Variants in ANKIB1 observed in about 807,000 individuals in gnomAD.
ANKIB1 encodes the protein ankyrin repeat and IBR domain-containing protein 1.
A neutral mutation model predicts 122.1 loss-of-function variants in ANKIB1; 43 were observed. The observed-to-expected ratio is 0.35, with a 90% CI of 0.28 to 0.45. The LOEUF is 0.45. Among genes scored for constraint, ANKIB1 ranks in the 20% least tolerant of loss-of-function variants. ANKIB1 has a pLI of 1.00. For missense variants in ANKIB1, 992 were observed against 1,329.5 expected, an observed-to-expected ratio of 0.75 and a Z score of 3.95; for synonymous variants, 390 against 442.0, an observed-to-expected ratio of 0.88 and a Z score of 1.48.
At chr7:92,252,260 A>G (rs983475645) in intron 1 of ANKIB1, among the ~76,000 whole-genome samples, 5 of 152,054 alleles carry the variant, frequency 3.3e-5, no homozygotes, top group African/African-American at 1.2e-4. Flanking sequence ...CCCTCCACTC[A>G]TTAGCTTTGG....
intron 5 of ANKIB1, among the ~76,000 whole-genome samples, chr7:92,335,925 ATTC>A (rs1803278633): frequency 6.6e-6 from 1 of 151,828 alleles, no homozygotes; most frequent in South Asian, 2.1e-4. Context: ...TTTTTAGCTA[ATTC>A]TTCTTTGCAT....
intron 5 of ANKIB1, among the ~76,000 whole-genome samples, chr7:92,342,068 C>T (rs1050342871): frequency 6.6e-6 from 1 of 151,556 alleles, no homozygotes; most frequent in Non-Finnish European, 1.5e-5. Flanking sequence ...AAAAAAACCT[C>T]GTGTAGAAAA....
chr7:92,360,788 C>T (rs1239942293), intron 9 of ANKIB1, among the ~76,000 whole-genome samples: 9 of 152,138 alleles, frequency 5.9e-5, no homozygotes, highest in African/African-American at 1.4e-4. Context: ...GAAGTATAAT[C>T]GATGCATTCT....
chr7:92,331,516 C>T (rs768308889), intron 5 of ANKIB1, among the ~76,000 whole-genome samples: 3 of 152,044 alleles, frequency 2.0e-5, no homozygotes, highest in Non-Finnish European at 2.9e-5. Flanking sequence ...TCAAGTGATC[C>T]GCCTGCCTCG....
intron 1 of ANKIB1, among the ~76,000 whole-genome samples, chr7:92,287,274 A>G (rs1340611718): frequency 6.6e-6 from 1 of 152,200 alleles, no homozygotes; most frequent in Non-Finnish European, 1.5e-5. Flanking sequence ...AATCCAGTCT[A>G]GGGCCCTATA....
chr7:92,335,913 G>A lies in ANKIB1; in HGVS notation c.788-7111G>A, dbSNP rs80133818. 3.1e-3 allele frequency among the ~76,000 whole-genome samples: 478 copies of A among 151,842 alleles called. 27 individuals carry two copies. The East Asian group carries it at 0.086, about 27-fold the overall frequency. ...GGCATTTGGTTTTAATTATCTGTTG[G>A]GTTTTTAGCTAATTCTTCTTTGCAT... is the stretch of plus-strand genomic sequence containing the variant. On this transcript the variant is annotated intron_variant, in intron 5 of 19. Coordinates refer to ENST00000265742, the MANE Select transcript of ANKIB1 (RefSeq NM_019004.2).
At chr7:92,392,923 T>C (rs941639283) in intron 17 of ANKIB1, among the ~76,000 whole-genome samples, 5 of 152,060 alleles carry the variant, frequency 3.3e-5, no homozygotes, top group African/African-American at 1.2e-4. Flanking sequence ...CTTAATCACA[T>C]AGCTGTTTTC....
At chr7:92,356,054 C>A (rs1014227767) in intron 9 of ANKIB1, among the ~76,000 whole-genome samples, 2 of 152,178 alleles carry the variant, frequency 1.3e-5, no homozygotes, top group Admixed American at 6.5e-5. Flanking sequence ...TCCAGTGGAT[C>A]AGAGTACAAT....
At chr7:92,296,564 T>C (rs1327448560) in intron 2 of ANKIB1, among the ~76,000 whole-genome samples, 1 of 152,170 alleles carries the variant, frequency 6.6e-6, no homozygotes, top group African/African-American at 2.4e-5. Context: ...TCATAACCCA[T>C]GGGAACCTCT....
At chr7:92,395,108 C>T (rs1297217395) in intron 17 of ANKIB1, among the ~76,000 whole-genome samples, 1 of 152,116 alleles carries the variant, frequency 6.6e-6, no homozygotes, top group Non-Finnish European at 1.5e-5. Flanking sequence ...GTACCCTGGC[C>T]TCCTCTCTTC....
chr7:92,397,379 G>A (rs1044934135), intron 18 of ANKIB1, among the ~76,000 whole-genome samples: 3 of 151,812 alleles, frequency 2.0e-5, no homozygotes, highest in Non-Finnish European at 4.4e-5. Context: ...CCAACCACTC[G>A]AGAGGCTGAG....
intron 3 of ANKIB1, among the ~76,000 whole-genome samples, chr7:92,307,974 C>T (rs1802602405): frequency 6.6e-6 from 1 of 151,650 alleles, no homozygotes; most frequent in African/African-American, 2.4e-5. Flanking sequence ...CCACAATTAG[C>T]CCAGCTAATT....
chr7:92,285,334 C>T (rs113967798), intron 1 of ANKIB1, among the ~76,000 whole-genome samples: 12 of 152,112 alleles, frequency 7.9e-5, no homozygotes, highest in Non-Finnish European at 1.8e-4. Context: ...AAGATTTAAA[C>T]GTAGTTCTTT....
At chr7:92,256,159 G>C (rs1178667973) in intron 1 of ANKIB1, among the ~76,000 whole-genome samples, 4 of 152,174 alleles carry the variant, frequency 2.6e-5, no homozygotes, top group Non-Finnish European at 5.9e-5. Flanking sequence ...AGGAGGAATT[G>C]GTAGGGAAGA....
chr7:92,369,681 G>A (rs185050089), intron 10 of ANKIB1, among the ~76,000 whole-genome samples: 1 of 152,294 alleles, frequency 6.6e-6, no homozygotes, highest in African/African-American at 2.4e-5. Context: ...TTCTGAAAGT[G>A]ACTGCATGTA....
At chr7:92,316,721 C>T (rs1235991107) in intron 3 of ANKIB1, among the ~76,000 whole-genome samples, 1 of 151,440 alleles carries the variant, frequency 6.6e-6, no homozygotes, top group Non-Finnish European at 1.5e-5. Flanking sequence ...TCACACATCC[C>T]CTCTTCACAC....
chr7:92,259,783 A>G (rs905254042), intron 1 of ANKIB1, among the ~76,000 whole-genome samples: 1 of 152,126 alleles, frequency 6.6e-6, no homozygotes, highest in African/African-American at 2.4e-5. Context: ...CTCTCTCAGT[A>G]GTGGTAACCC....
chr7:92,380,593 C>T (rs113236981), intron 11 of ANKIB1, among the ~76,000 whole-genome samples: 27 of 152,310 alleles, frequency 1.8e-4, no homozygotes, highest in East Asian at 5.8e-4. Flanking sequence ...CTGCAGCCTC[C>T]GCTGGTGACA....
intron 11 of ANKIB1, among the ~76,000 whole-genome samples, chr7:92,375,021 G>T (rs1261842265): frequency 6.7e-6 from 1 of 150,026 alleles, no homozygotes; most frequent in Admixed American, 6.6e-5. Flanking sequence ...CAATTTTTTT[G>T]TTTTCCACTG....
Sources: gnomAD v4.1 joint callset for allele counts (sites outside exome capture counted in the v4.1 genomes callset) on GRCh38, gnomAD v4.1.1 for gene constraint, MANE v1.5 for transcripts, NCBI Gene and HGNC (gene_info 2026-07-23, HGNC 2026-07-21) for gene names.